Variants in DLG2 observed in about 807,000 individuals in gnomAD.
The protein encoded by DLG2 is disks large homolog 2.
Under a neutral mutation model 132.5 loss-of-function variants are expected in DLG2, and 45 were observed. The ratio of observed to expected loss-of-function variants is 0.34; its 90% CI spans 0.27 to 0.44. The LOEUF is 0.44. Ranked by LOEUF, DLG2 falls within the 20% of genes least tolerant of loss-of-function variation. The pLI is 1.00. For synonymous variants in DLG2, 424 were observed against 419.6 expected (o/e 1.01, Z -0.13); for missense variants, 1,045 against 1,196.9 (o/e 0.87, Z 1.87).
At chr11:84,846,536 T>C (rs1332856027) in intron 6 of DLG2, among the ~76,000 whole-genome samples, 1 of 152,168 alleles carries the variant, frequency 6.6e-6, no homozygotes, top group Admixed American at 6.6e-5. Context: ...CTCTCACCTG[T>C]GATACATCAA....
In DLG2 at chr11:85,228,248, G is replaced by A. The variant is rs1263105688; in HGVS notation, c.186+56972C>T. ...TAACTAGTAAAGGCTAAAGTATGAT[G>A]AGGCCCCCAGGAAGAGCTAGCAAGT... On this transcript the variant is annotated intron_variant, in intron 4 of 27. Coordinates refer to ENST00000376104, the MANE Select transcript of DLG2 (RefSeq NM_001142699.3). 2.0e-5 allele frequency among the ~76,000 whole-genome samples: 3 copies of A among 152,038 alleles called. No homozygotes were observed. The East Asian group carries it at 5.8e-4, about 29-fold the overall frequency.
intron 9 of DLG2, among the ~76,000 whole-genome samples, chr11:84,157,148 T>A (rs1030306732): frequency 1.3e-5 from 2 of 152,132 alleles, no homozygotes; most frequent in African/African-American, 4.8e-5. Context: ...TGTATTAAAA[T>A]CTTATAGTTT....
intron 7 of DLG2, among the ~76,000 whole-genome samples, chr11:84,399,091 T>C (rs1307648178): frequency 6.6e-6 from 1 of 152,158 alleles, no homozygotes; most frequent in Non-Finnish European, 1.5e-5. Context: ...ATTGTGTCTT[T>C]CATGAGGTAC....
At chr11:85,571,912 T>C (rs1161583068) in intron 3 of DLG2, among the ~76,000 whole-genome samples, 1 of 152,178 alleles carries the variant, frequency 6.6e-6, no homozygotes. Flanking sequence ...AGCTACCAGA[T>C]ATATTTATCT....
intron 6 of DLG2, among the ~76,000 whole-genome samples, chr11:84,991,031 G>A (rs1427225019): frequency 6.6e-6 from 1 of 152,012 alleles, no homozygotes; most frequent in African/African-American, 2.4e-5. Flanking sequence ...ATGCTACTCA[G>A]CAATAAAAAA....
At chr11:83,978,965 T>G (rs1001881062) in intron 12 of DLG2, among the ~76,000 whole-genome samples, 1 of 152,156 alleles carries the variant, frequency 6.6e-6, no homozygotes, top group African/African-American at 2.4e-5. Flanking sequence ...CATATGACTA[T>G]GGGCAAGTCA....
At chr11:85,302,309 T>A (rs918117522) in intron 3 of DLG2, among the ~76,000 whole-genome samples, 1 of 152,206 alleles carries the variant, frequency 6.6e-6, no homozygotes, top group African/African-American at 2.4e-5. Flanking sequence ...AGAAATAACA[T>A]ATTTTACTCA....
intron 19 of DLG2, among the ~76,000 whole-genome samples, chr11:83,549,814 A>G (rs1418937520): frequency 2.0e-5 from 3 of 152,190 alleles, no homozygotes; most frequent in Non-Finnish European, 2.9e-5. Flanking sequence ...AGAAGCTTAG[A>G]TGGAGTTAGG....
intron 7 of DLG2, among the ~76,000 whole-genome samples, chr11:84,521,697 G>T (rs184319486): frequency 6.6e-6 from 1 of 152,264 alleles, no homozygotes; most frequent in African/African-American, 2.4e-5. Context: ...ATATAAATAT[G>T]TTGAATGAGT....
chr11:84,986,290 G>A (rs753095522), intron 6 of DLG2, among the ~76,000 whole-genome samples: 6 of 151,906 alleles, frequency 3.9e-5, no homozygotes, highest in African/African-American at 7.3e-5. Context: ...AACAAGCAGC[G>A]AGATTGAAAT....
chr11:85,339,361 T>C (rs1392964289), intron 3 of DLG2, among the ~76,000 whole-genome samples: 1 of 152,194 alleles, frequency 6.6e-6, no homozygotes, highest in Non-Finnish European at 1.5e-5. Context: ...GTTATCTCTT[T>C]AGGATACATT....
chr11:84,140,839 A>G (rs1478434045), intron 9 of DLG2, among the ~76,000 whole-genome samples: 4 of 152,164 alleles, frequency 2.6e-5, no homozygotes, highest in Non-Finnish European at 5.9e-5. Context: ...ATGACTAGTG[A>G]GAGAATGAAT....
intron 2 of DLG2, among the ~76,000 whole-genome samples, chr11:85,617,095 T>A (rs1221911082): frequency 6.6e-6 from 1 of 152,118 alleles, no homozygotes; most frequent in African/African-American, 2.4e-5. Flanking sequence ...AAAGGTGAAT[T>A]ACAGAAAATA....
At chr11:84,239,934 A>G (rs1277322759) in intron 8 of DLG2, among the ~76,000 whole-genome samples, 3 of 152,174 alleles carry the variant, frequency 2.0e-5, no homozygotes, top group Admixed American at 1.3e-4. Flanking sequence ...CTTCTCCCCA[A>G]TATTCATTAC....
intron 18 of DLG2, among the ~76,000 whole-genome samples, chr11:83,671,260 T>G (rs2076776379): frequency 6.6e-6 from 1 of 152,178 alleles, no homozygotes; most frequent in Admixed American, 6.5e-5. Flanking sequence ...CTTTCCGTTG[T>G]GAGCAAATGC....
At chr11:85,265,319 T>G (rs753495382) in intron 4 of DLG2, among the ~76,000 whole-genome samples, 2 of 152,246 alleles carry the variant, frequency 1.3e-5, no homozygotes, top group African/African-American at 2.4e-5. Context: ...AACAATTAGA[T>G]GCTTTACATA....
chr11:84,605,209 A>G (rs752105218), intron 6 of DLG2, among the ~76,000 whole-genome samples: 1 of 151,976 alleles, frequency 6.6e-6, no homozygotes, highest in East Asian at 1.9e-4. Context: ...TAACAGTACT[A>G]GGCAATATAC....
chr11:84,076,679 T>C (rs2096834500), intron 10 of DLG2, among the ~76,000 whole-genome samples: 1 of 152,192 alleles, frequency 6.6e-6, no homozygotes, highest in African/African-American at 2.4e-5. Flanking sequence ...CCTTCTTCAC[T>C]GCCCCTTCCA....
intron 3 of DLG2, among the ~76,000 whole-genome samples, chr11:85,491,882 A>G (rs186262493): frequency 5.3e-5 from 8 of 152,250 alleles, no homozygotes; most frequent in Admixed American, 5.2e-4. Context: ...TTTTCACAGA[A>G]ATAAAAAAAT....
Sources: allele counts gnomAD v4.1 joint callset (sites outside exome capture counted in the v4.1 genomes callset), GRCh38; gene constraint gnomAD v4.1.1; transcripts MANE v1.5; gene names NCBI Gene and HGNC (gene_info 2026-07-23, HGNC 2026-07-21).